Variants in PKNOX2 observed in about 807,000 individuals in gnomAD.
PKNOX2 encodes the protein homeobox protein PKNOX2.
PKNOX2 carries 14 observed loss-of-function variants against 53.1 expected under a neutral mutation model. That is an observed-to-expected ratio of 0.26 (90% CI 0.17 to 0.41). The LOEUF is 0.41. Among genes scored for constraint, PKNOX2 ranks in the 10% least tolerant of loss-of-function variants. The pLI is 1.00. For missense variants in PKNOX2, 496 were observed against 602.8 expected (o/e 0.82, Z 1.85); for synonymous variants, 257 against 242.8 (o/e 1.06, Z -0.54).
intron 1 of PKNOX2, among the ~76,000 whole-genome samples, chr11:125,208,369 C>G (rs681017): frequency 0.48 from 73,175 of 151,782 alleles, 18,469 homozygotes; most frequent in African/African-American, 0.57. Flanking sequence ...TCTATGCCAG[C>G]TGAGGGAATT....
intron 1 of PKNOX2, among the ~76,000 whole-genome samples, chr11:125,232,455 T>C (rs1942292589): frequency 6.6e-6 from 1 of 152,216 alleles, no homozygotes; most frequent in African/African-American, 2.4e-5. Context: ...GCATTAGCCC[T>C]ATTTTATACA....
At chr11:125,280,832 C>A (rs1946508966) in intron 2 of PKNOX2, among the ~76,000 whole-genome samples, 1 of 152,116 alleles carries the variant, frequency 6.6e-6, no homozygotes, top group African/African-American at 2.4e-5. Flanking sequence ...TGTCACGATG[C>A]CAGGGTGATG....
At chr11:125,271,351 A>T (rs771949917) in intron 2 of PKNOX2, among the ~76,000 whole-genome samples, 5 of 152,204 alleles carry the variant, frequency 3.3e-5, no homozygotes, top group Non-Finnish European at 5.9e-5. Context: ...CAATCTGACA[A>T]GACACTCATA....
At chr11:125,418,007 C>T (rs1233793775) in intron 10 of PKNOX2, among the ~76,000 whole-genome samples, 1 of 152,034 alleles carries the variant, frequency 6.6e-6, no homozygotes, top group African/African-American at 2.4e-5. Context: ...AAACATAATT[C>T]ACGTACCATA....
In PKNOX2 at chr11:125,352,729, T is replaced by C. The variant is rs1951389243; in HGVS notation, c.87+1337T>C. Among the ~76,000 whole-genome samples the C allele has an allele frequency of 6.6e-6, 1 of 152,178 alleles. No homozygotes were observed. The highest frequency in any genetic ancestry group is 6.5e-5 in the Admixed American group (1 of 15,274). ...CTTCACCAATCTCTGAGCACATGTC[T>C]ACGGCCCCGCTCCCACATATCAAAT... On this transcript the variant is annotated intron_variant, in intron 4 of 12. Coordinates refer to ENST00000298282, the MANE Select transcript of PKNOX2 (RefSeq NM_001382323.2). The surrounding 1 kb of genome is among the most constrained non-coding windows in gnomAD (Gnocchi z 4.1).
rs1276725245 is a variant in PKNOX2 at position 125,166,127 on chromosome 11, G to A, written c.-201+1351G>A. ...GGAATCGGGATCGAGGGGCCGATAAGTAGTTTACACGCCGGCCAGAGCAGA... is the reference window on the plus strand; with the variant it reads ...GGAATCGGGATCGAGGGGCCGATAAATAGTTTACACGCCGGCCAGAGCAGA... On this transcript the variant is annotated intron_variant, in intron 1 of 12. Coordinates refer to ENST00000298282, the MANE Select transcript of PKNOX2 (RefSeq NM_001382323.2). This position sits in a 1 kb window ranked among gnomAD's most constrained non-coding sequence, Gnocchi z 4.0. Among the ~76,000 whole-genome samples the A allele has an allele frequency of 1.3e-5, 2 of 152,176 alleles. No individual in the cohort carries two copies. The highest frequency in any genetic ancestry group is 2.9e-5 in the Non-Finnish European group (2 of 68,036).
chr11:125,342,171 T>A (rs1950724331), intron 3 of PKNOX2, among the ~76,000 whole-genome samples: 1 of 152,144 alleles, frequency 6.6e-6, no homozygotes, highest in Non-Finnish European at 1.5e-5. Flanking sequence ...TTGACTTTTT[T>A]TTTTTTTTCC....
chr11:125,330,423 G>A (rs1950070852), intron 2 of PKNOX2: 1 of 152,120 alleles, frequency 6.6e-6, no homozygotes, highest in South Asian at 2.1e-4. Context: ...CTCTTCCCAG[G>A]GGCTGCCCAG....
intron 1 of PKNOX2, among the ~76,000 whole-genome samples, chr11:125,178,266 C>A (rs143055908): frequency 0.016 from 2,373 of 151,716 alleles, 47 homozygotes; most frequent in African/African-American, 0.053. Context: ...AATCCCAGCA[C>A]TTTGGGAAGC....
intron 1 of PKNOX2, among the ~76,000 whole-genome samples, chr11:125,173,658 G>A (rs1955491652): frequency 1.3e-5 from 2 of 152,322 alleles, no homozygotes; most frequent in Admixed American, 1.3e-4. Context: ...GGGCTGGGAG[G>A]GCCCGCACTA....
intron 4 of PKNOX2, among the ~76,000 whole-genome samples, chr11:125,354,772 T>G (rs1041144255): frequency 6.6e-6 from 1 of 152,208 alleles, no homozygotes; most frequent in Non-Finnish European, 1.5e-5. Context: ...GAGGGAGGCT[T>G]TTTTTTCTTC....
intron 1 of PKNOX2, among the ~76,000 whole-genome samples, chr11:125,189,397 ATGTGTGTATATATATATGTGTG>A (rs1956659330): frequency 1.7e-5 from 1 of 57,328 alleles, no homozygotes; most frequent in African/African-American, 5.1e-5. Context: ...GTATATATAT[ATGTGTGTATATATATATGTGTG>A]TGTGTGTGTG....
At chr11:125,243,081 A>C (rs1272766785) in intron 2 of PKNOX2, among the ~76,000 whole-genome samples, 1 of 152,220 alleles carries the variant, frequency 6.6e-6, no homozygotes, top group East Asian at 1.9e-4. Context: ...GATATGTGAA[A>C]GTGTTTTATA....
chr11:125,285,104 C>T (rs756578497), intron 2 of PKNOX2, among the ~76,000 whole-genome samples: 7 of 152,140 alleles, frequency 4.6e-5, no homozygotes, highest in Non-Finnish European at 8.8e-5. Flanking sequence ...TGTCCCATAG[C>T]ATTGTGGCGC....
chr11:125,322,394 G>A (rs1324005511), intron 2 of PKNOX2, among the ~76,000 whole-genome samples: 1 of 152,088 alleles, frequency 6.6e-6, no homozygotes, highest in Non-Finnish European at 1.5e-5. Context: ...TCGTTCTACA[G>A]CCCCCTCCAC....
chr11:125,357,409 G>C lies in PKNOX2; in HGVS notation c.87+6017G>C, dbSNP rs140689518. ...TTGGGAAGAAACACTCTACTGGCCT[G>C]GTCTAGGTATTTTATTTGATGAACT... On this transcript the variant is annotated intron_variant, in intron 4 of 12. Coordinates refer to ENST00000298282, the MANE Select transcript of PKNOX2 (RefSeq NM_001382323.2). Among the ~76,000 whole-genome samples, 150 of 152,228 alleles carry C rather than the reference G, an allele frequency of 9.9e-4. 2 individuals are homozygous for C. In the East Asian group the frequency reaches 0.028, roughly 28 times the overall value.
At chr11:125,408,219 G>A (rs1036931747) in intron 7 of PKNOX2, among the ~76,000 whole-genome samples, 1 of 152,220 alleles carries the variant, frequency 6.6e-6, no homozygotes, top group African/African-American at 2.4e-5. Context: ...ACTTCAGGGA[G>A]GGGAAATGTG....
rs79969913 is a variant in PKNOX2 at position 125,216,018 on chromosome 11, A to G, written c.-200-19027A>G. ...CTGCTGACTTGAATTGCTCAACTTC[A>G]TTGCTTCTCTAGATTGATTTCAGAA... On this transcript the variant is annotated intron_variant, in intron 1 of 12. Transcript: ENST00000298282. Among the ~76,000 whole-genome samples the G allele has an allele frequency of 9.9e-3, 1,513 of 152,294 alleles. 31 individuals carry two copies. Among genetic ancestry groups the G allele is most frequent in the African/African-American group, 0.034 (1,425 of 41,548 alleles).
At chr11:125,277,035 C>G (rs745694113) in intron 2 of PKNOX2, among the ~76,000 whole-genome samples, 1 of 151,998 alleles carries the variant, frequency 6.6e-6, no homozygotes, top group Admixed American at 6.6e-5. Context: ...GTGATGGAAA[C>G]GGATCATGAA....
Sources: gnomAD v4.1 joint callset for allele counts (sites outside exome capture counted in the v4.1 genomes callset) on GRCh38, gnomAD v4.1.1 for gene constraint, Gnocchi (gnomAD v3.1) non-coding constraint, MANE v1.5 for transcripts, NCBI Gene and HGNC (gene_info 2026-07-23, HGNC 2026-07-21) for gene names.